The following SLC35F4 variants were observed in gnomAD, a reference collection of about 807,000 sequenced individuals.
SLC35F4 encodes chromosome 14 open reading frame 36.
Under a neutral mutation model 44.2 loss-of-function variants are expected in SLC35F4, and 24 were observed. The observed-to-expected ratio is 0.54, with a 90% confidence interval of 0.39 to 0.76. The LOEUF (loss-of-function observed/expected upper bound fraction) is 0.76. SLC35F4 is among the 30% of genes least tolerant of loss of function. The probability of loss-of-function intolerance (pLI) is 0.00; values close to 1 mark genes in which losing one functional copy is unlikely to be tolerated. For missense variants in SLC35F4, 562 were observed against 586.1 expected (o/e 0.96, Z 0.42); for synonymous variants, 238 against 223.6 (o/e 1.06, Z -0.57).
At chr14:57,760,657 TAGTC>T (rs1478289998) in intron 1 of SLC35F4, among the ~76,000 whole-genome samples, 6 of 152,234 alleles carry the variant, frequency 3.9e-5, no homozygotes, top group Non-Finnish European at 7.3e-5. Context: ...TAAGATTTAT[TAGTC>T]AGTATCAGAA....
chr14:57,657,986 A>C (rs2140226263), intron 1 of SLC35F4, among the ~76,000 whole-genome samples: 1 of 152,296 alleles, frequency 6.6e-6, no homozygotes, highest in African/African-American at 2.4e-5. Context: ...AATTTTGAGA[A>C]TCAAACGAGA....
At chr14:57,804,752 A>G (rs1881098494) in intron 1 of SLC35F4, among the ~76,000 whole-genome samples, 1 of 152,254 alleles carries the variant, frequency 6.6e-6, no homozygotes, top group Admixed American at 6.5e-5. Flanking sequence ...ATTGCAACAA[A>G]AGCAAAAGTT....
rs1345428600 is a variant in SLC35F4, at chr14:57,568,154, TGGG to T, written c.1127-1593_1127-1591del. On this transcript the variant is annotated intron_variant, in intron 6 of 7. Coordinates refer to ENST00000556826, the MANE Select transcript of SLC35F4 (RefSeq NM_001306087.2). Reference sequence around the variant, plus strand: ...GCACAGTGAGCTCTCTGCAGTGCACTGGGGTGGGCCTGGTAGAGCAGCTGCAGT... The same window carrying T: ...GCACAGTGAGCTCTCTGCAGTGCACTGTGGGCCTGGTAGAGCAGCTGCAGT... Among the ~76,000 whole-genome samples the T allele has an allele frequency of 1.8e-4, 27 of 152,326 alleles. 1 individual carries two copies. The highest frequency in any genetic ancestry group is 6.3e-4 in the African/African-American group (26 of 41,592).
chr14:57,873,235 G>A (rs1888331357), intron 1 of SLC35F4, among the ~76,000 whole-genome samples: 2 of 152,082 alleles, frequency 1.3e-5, no homozygotes, highest in Admixed American at 1.3e-4. Flanking sequence ...TTGCATTATA[G>A]TCTATCTTGC....
chr14:57,676,179 A>T (rs1282550722), intron 1 of SLC35F4, among the ~76,000 whole-genome samples: 1 of 152,086 alleles, frequency 6.6e-6, no homozygotes, highest in Non-Finnish European at 1.5e-5. Flanking sequence ...GCTATTGTGA[A>T]TAGTGCTGCA....
At chr14:57,863,920 T>C (rs948272647) in intron 1 of SLC35F4, among the ~76,000 whole-genome samples, 5 of 152,226 alleles carry the variant, frequency 3.3e-5, no homozygotes, top group African/African-American at 4.8e-5. Context: ...CTACCAGTTA[T>C]AGCCTTGGCC....
intron 1 of SLC35F4, among the ~76,000 whole-genome samples, chr14:57,889,881 C>G (rs1037798748): frequency 6.6e-6 from 1 of 152,144 alleles, no homozygotes; most frequent in African/African-American, 2.4e-5. Flanking sequence ...AAATGTTCAT[C>G]AAGCCACTAC....
intron 1 of SLC35F4, among the ~76,000 whole-genome samples, chr14:57,954,154 G>C (rs1890194105): frequency 6.6e-6 from 1 of 152,114 alleles, no homozygotes; most frequent in African/African-American, 2.4e-5. Context: ...CATGGAAACT[G>C]AACAACCTGC....
At chr14:57,579,222 TAAGGTCAC>T (rs2069051891) in intron 4 of SLC35F4, among the ~76,000 whole-genome samples, 1 of 152,202 alleles carries the variant, frequency 6.6e-6, no homozygotes, top group Admixed American at 6.5e-5. Context: ...TTTATCCAAA[TAAGGTCAC>T]AGTGACAGAT....
At chr14:57,769,153 A>G (rs1283307239) in intron 1 of SLC35F4, among the ~76,000 whole-genome samples, 1 of 152,162 alleles carries the variant, frequency 6.6e-6, no homozygotes, top group East Asian at 1.9e-4. Flanking sequence ...AACCCTACTA[A>G]GAACAATGCA....
At chr14:57,953,918 A>G (rs1184211499) in intron 1 of SLC35F4, among the ~76,000 whole-genome samples, 1 of 152,146 alleles carries the variant, frequency 6.6e-6, no homozygotes, top group Non-Finnish European at 1.5e-5. Context: ...AACTCTGGAC[A>G]AAGCGGACCT....
At chr14:57,943,214 T>A (rs907942690) in intron 1 of SLC35F4, among the ~76,000 whole-genome samples, 2 of 152,154 alleles carry the variant, frequency 1.3e-5, no homozygotes, top group Non-Finnish European at 2.9e-5. Context: ...CCCCAGTGGT[T>A]TTTGCACAGA....
In SLC35F4 at chr14:57,829,714, A is replaced by G. The variant is rs1884147618; in HGVS notation, c.103+36009T>C. Among the ~76,000 whole-genome samples, 2 of 152,176 alleles carry G rather than the reference A, an allele frequency of 1.3e-5. 1 individual carries two copies. Among genetic ancestry groups the G allele is most frequent in the South Asian group, 4.1e-4 (2 of 4,822 alleles). On this transcript the variant is annotated intron_variant, in intron 1 of 7. Coordinates refer to ENST00000556826, the MANE Select transcript of SLC35F4 (RefSeq NM_001306087.2). ...CCTGGGTGCTGTGAGACCAATCGCT[A>G]CTGCAACAGGGGTTGTGGGTAGTGA...
chr14:57,653,982 G>A (rs540297221), intron 1 of SLC35F4, among the ~76,000 whole-genome samples: 2 of 152,094 alleles, frequency 1.3e-5, no homozygotes, highest in African/African-American at 2.4e-5. Context: ...ATCCTCGATT[G>A]CAGAAGCATC....
upstream of SLC35F4, among the ~76,000 whole-genome samples, chr14:57,982,847 C>G (rs1422928320): frequency 2.0e-5 from 3 of 152,142 alleles, no homozygotes; most frequent in African/African-American, 7.2e-5. Flanking sequence ...AGTACCACCC[C>G]AAAATTACAT....
chr14:57,911,041 G>A (rs529160997), intron 1 of SLC35F4, among the ~76,000 whole-genome samples: 6 of 151,926 alleles, frequency 3.9e-5, no homozygotes, highest in Non-Finnish European at 2.9e-5. Context: ...AATGTAAATT[G>A]TAATGTGTTT....
intron 1 of SLC35F4, among the ~76,000 whole-genome samples, chr14:57,790,733 T>A (rs1052983594): frequency 6.6e-6 from 1 of 152,160 alleles, no homozygotes; most frequent in African/African-American, 2.4e-5. Flanking sequence ...GACTTCAAAC[T>A]ATACCACAGG....
intron 1 of SLC35F4, among the ~76,000 whole-genome samples, chr14:57,634,232 A>G (rs1174813161): frequency 6.6e-6 from 1 of 152,148 alleles, no homozygotes; most frequent in African/African-American, 2.4e-5. Context: ...CACCTATCTC[A>G]TTAATAAAAT....
chr14:57,701,214 G>A (rs1040838008), intron 1 of SLC35F4, among the ~76,000 whole-genome samples: 1 of 151,918 alleles, frequency 6.6e-6, no homozygotes, highest in Non-Finnish European at 1.5e-5. Context: ...ACCTACACAG[G>A]GTCAAAATCA....
Sources: gnomAD v4.1 joint callset for allele counts (sites outside exome capture counted in the v4.1 genomes callset) on GRCh38, gnomAD v4.1.1 for gene constraint, MANE v1.5 for transcripts, NCBI Gene and HGNC (gene_info 2026-07-23, HGNC 2026-07-21) for gene names.